The following ATP13A3 variants were observed in gnomAD, a reference collection of about 807,000 sequenced individuals.
The protein encoded by ATP13A3 is polyamine-transporting ATPase 13A3.
In ATP13A3, 59 loss-of-function variants were observed where a neutral mutation model predicts 158.1. The observed-to-expected ratio is 0.37, with a 90% confidence interval of 0.30 to 0.46. ATP13A3 has a LOEUF of 0.46. Among genes scored for constraint, ATP13A3 ranks in the 20% least tolerant of loss-of-function variants. The pLI, the probability that ATP13A3 is intolerant of heterozygous loss-of-function variation, is 1.00. For missense variants in ATP13A3, 1,166 were observed against 1,525.2 expected (o/e 0.76, Z 3.92); for synonymous variants, 491 against 504.3 (o/e 0.97, Z 0.35).
At chr3:194,474,169 C>T (rs1184397746) in intron 2 of ATP13A3, among the ~76,000 whole-genome samples, 3 of 151,962 alleles carry the variant, frequency 2.0e-5, no homozygotes, top group Non-Finnish European at 4.4e-5. Flanking sequence ...AAGAGTTTTT[C>T]GGGTTTTTTT....
chr3:194,490,366 C>T (rs534106887), upstream of ATP13A3, among the ~76,000 whole-genome samples: 34 of 152,298 alleles, frequency 2.2e-4, no homozygotes, highest in African/African-American at 7.0e-4. This position sits in a 1 kb window ranked among gnomAD's most constrained non-coding sequence, Gnocchi z 4.4. Flanking sequence ...TTGCCAAATC[C>T]GGAGGACACT....
chr3:194,443,109 A>G (rs1718163740), intron 15 of ATP13A3, among the ~76,000 whole-genome samples: 1 of 152,226 alleles, frequency 6.6e-6, no homozygotes, highest in Non-Finnish European at 1.5e-5. Flanking sequence ...AATTTACACA[A>G]GATGCAATGG....
In ATP13A3 at chr3:194,460,712, C is replaced by A. The variant is rs746398820; in HGVS notation, c.171G>T (p.Ala57=). The A allele has an allele frequency of 6.2e-7, 1 of 1,614,106 alleles. No homozygotes were observed. Among genetic ancestry groups the A allele is most frequent in the South Asian group, 1.1e-5 (1 of 91,080 alleles). ...CTTTAATTGCAGCTCTGACACAGGT[C>A]GCTTTCACCCGCCACTCAGGCATCC... is the stretch of plus-strand genomic sequence containing the variant. ...LYWMPEWRVK[A]TCVRAAIKDC... The change falls in exon 4 of 34, where the codon GCG becomes GCT. Residue 57 remains alanine, a synonymous_variant. Transcript: ENST00000645319.
rs780042386 is a variant in ATP13A3 at position 194,454,284 on chromosome 3, C to A, written c.739G>T (p.Val247Leu). ...TTTCTAATGGAATATAGTGAGCTTA[C>A]GATTGATACTATGGACATAACCACA... is the stretch of plus-strand genomic sequence containing the variant. ...AIVVMSIVSIVSSLYSIRKQY... is the reference protein window; with the variant it reads ...AIVVMSIVSILSSLYSIRKQY... The change falls in exon 9 of 34, where the codon GTA (valine) becomes TTA (leucine). Residue 247 changes from valine to leucine, a missense_variant. Physicochemically the swap from Val to Leu is conservative, Grantham distance 32. Transcript: ENST00000645319. The A allele has an allele frequency of 1.2e-6, 2 of 1,607,484 alleles. No homozygotes were observed. Among genetic ancestry groups the A allele is most frequent in the East Asian group, 2.2e-5 (1 of 44,822 alleles).
Position 194,429,789 on chromosome 3 carries a change from C to A in ATP13A3, c.2778-15G>T. On this transcript the variant is annotated splice_polypyrimidine_tract_variant and intron_variant, in intron 26 of 33. Coordinates refer to ENST00000645319, the MANE Select transcript of ATP13A3 (RefSeq NM_001367549.1). ...CACGGCCTTCCCTGTGAAAAGAAAT[C>A]AAATGTCGGCATATGAATAGAAGCA... 1 of 1,602,754 alleles carries A rather than the reference C, an allele frequency of 6.2e-7. No individual in the cohort carries two copies. Among genetic ancestry groups the A allele is most frequent in the South Asian group, 1.1e-5 (1 of 90,094 alleles).
Position 194,462,227 on chromosome 3 carries a change from T to A in ATP13A3, c.-37A>T. The A allele has an allele frequency of 6.3e-7, 1 of 1,583,298 alleles. No homozygotes were observed. Among genetic ancestry groups the A allele is most frequent in the Non-Finnish European group, 8.7e-7 (1 of 1,152,140 alleles). On this transcript the variant is annotated 5_prime_UTR_variant, in exon 3 of 34. Transcript: ENST00000645319. ...ATTAAAGGTCCAGTGCTTCAAACAA[T>A]GGAAGATCACTGAGGGAAGAAAGGG...
At chr3:194,450,631 G>A (rs1718741621) in intron 10 of ATP13A3, 1 of 184,940 alleles carries the variant, frequency 5.4e-6, no homozygotes, top group Non-Finnish European at 1.2e-5. Context: ...CTGTGAAACA[G>A]GTCAAACAAA....
At position 194,402,688 on chromosome 3, in the gene ATP13A3, A is replaced by C. The variant is rs1184249910; in HGVS notation, c.*3231T>G. 1 of 152,254 alleles carries C rather than the reference A, an allele frequency of 6.6e-6. No individual in the cohort carries two copies. Among genetic ancestry groups the C allele is most frequent in the African/African-American group, 2.4e-5 (1 of 41,462 alleles). The allele number at this position is 152,254 out of a possible 1,614,324, so 9.4% of individuals were successfully genotyped here. A position where few individuals can be genotyped will look rare whatever the true frequency, so the allele number is the denominator to read the frequency against. ...GAAAAAAAGTGTTATTTCATTCATT[A>C]AAATTTTTATTTTGAATAGCTTCAA... On this transcript the variant is annotated 3_prime_UTR_variant, in exon 34 of 34. Transcript: ENST00000645319.
intron 2 of ATP13A3, among the ~76,000 whole-genome samples, chr3:194,484,767 T>C (rs1720899868): frequency 6.6e-6 from 1 of 152,174 alleles, no homozygotes; most frequent in African/African-American, 2.4e-5. Flanking sequence ...ACTATGTAAG[T>C]ATCAACCGCC....
intron 33 of ATP13A3, among the ~76,000 whole-genome samples, chr3:194,410,330 A>C (rs868574045): frequency 6.8e-6 from 1 of 147,128 alleles, no homozygotes; most frequent in African/African-American, 2.6e-5. Context: ...AAAAAAAAAA[A>C]ACTGCTGGGC....
At position 194,430,772 on chromosome 3, in the gene ATP13A3, CAT is replaced by C. The variant is rs569086556; in HGVS notation, c.2624+169_2624+170del. On this transcript the variant is annotated intron_variant, in intron 24 of 33. Transcript: ENST00000645319. ...TTGTACTTTAGCTAAATAAAAAGCA[CAT>C]GAGACTCTTTTAAAGCGGCACTTAA... Among the ~76,000 whole-genome samples the C allele has an allele frequency of 7.9e-5, 12 of 152,272 alleles. No homozygotes were observed. In the South Asian group the frequency reaches 2.5e-3, roughly 32 times the overall value.
chr3:194,471,883 C>T (rs1720322370), intron 2 of ATP13A3: 3 of 151,582 alleles, frequency 2.0e-5, no homozygotes, highest in Admixed American at 1.3e-4. Context: ...TCTTTGACTT[C>T]ACTTAACAGA....
chr3:194,443,138 T>C lies in ATP13A3; in HGVS notation c.1559+1587A>G, dbSNP rs547274719. Among the ~76,000 whole-genome samples the C allele has an allele frequency of 3.4e-4, 52 of 151,618 alleles. 1 individual carries two copies. The South Asian group carries it at 0.011, about 32-fold the overall frequency. ...GCAATGGTTAAGGCATTAGTACACC[T>C]AGGTAAATCTAAGCATGCAGACTGT... is the stretch of plus-strand genomic sequence containing the variant. On this transcript the variant is annotated intron_variant, in intron 15 of 33. Transcript: ENST00000645319.
upstream of ATP13A3, chr3:194,487,441 C>G (rs1721057963): frequency 6.6e-6 from 1 of 152,368 alleles, no homozygotes. Flanking sequence ...ATGCAAGGCT[C>G]TTTCATTCCT....
At chr3:194,410,315 A>AAAAC (rs1560066686) in intron 33 of ATP13A3, among the ~76,000 whole-genome samples, 4 of 145,062 alleles carry the variant, frequency 2.8e-5, no homozygotes, top group African/African-American at 5.2e-5. Context: ...AAAAAAAAAA[A>AAAAC]AAAAAAAAAA....
At chr3:194,470,400 T>C (rs1053283953) in intron 2 of ATP13A3, among the ~76,000 whole-genome samples, 7 of 152,218 alleles carry the variant, frequency 4.6e-5, no homozygotes, top group Non-Finnish European at 7.4e-5. Flanking sequence ...GCCTACACTA[T>C]ACCATTAATT....
In ATP13A3 at chr3:194,462,219, T is replaced by C; in HGVS notation, c.-29A>G. 1 of 1,599,460 alleles carries C rather than the reference T, an allele frequency of 6.3e-7. No homozygotes were observed. Among genetic ancestry groups the C allele is most frequent in the Non-Finnish European group, 8.6e-7 (1 of 1,166,712 alleles). ...TACAGTGGATTAAAGGTCCAGTGCT[T>C]CAAACAATGGAAGATCACTGAGGGA... is the stretch of plus-strand genomic sequence containing the variant. On this transcript the variant is annotated 5_prime_UTR_variant, in exon 3 of 34. Transcript: ENST00000645319.
At chr3:194,463,977 T>C (rs944331891) in intron 2 of ATP13A3, among the ~76,000 whole-genome samples, 3 of 152,154 alleles carry the variant, frequency 2.0e-5, no homozygotes, top group African/African-American at 7.2e-5. Context: ...CTGGCCAACA[T>C]GGTGAAAAAC....
At chr3:194,483,426 C>CCAAAAAAAAAA (rs1553809694) in intron 2 of ATP13A3, among the ~76,000 whole-genome samples, 5 of 120,392 alleles carry the variant, frequency 4.2e-5, no homozygotes, top group African/African-American at 1.3e-4. Flanking sequence ...CCCACCTCTA[C>CCAAAAAAAAAA]AAAAAAAAAA....
Sources: allele counts gnomAD v4.1 joint callset (sites outside exome capture counted in the v4.1 genomes callset), GRCh38; gene constraint gnomAD v4.1.1; non-coding constraint Gnocchi (gnomAD v3.1); transcripts MANE v1.5; gene names NCBI Gene and HGNC (gene_info 2026-07-23, HGNC 2026-07-21).